The following MYO10 variants were observed in gnomAD, a reference collection of about 807,000 sequenced individuals.
The protein encoded by MYO10 is unconventional myosin-X.
MYO10 carries 133 observed loss-of-function variants against 257.3 expected under a neutral mutation model. The ratio of observed to expected loss-of-function variants is 0.52; its 90% CI spans 0.45 to 0.60. The LOEUF (loss-of-function observed/expected upper bound fraction) is 0.60, where lower values mean the gene tolerates loss of function less well. MYO10 is among the 20% of genes least tolerant of loss of function. The pLI is 0.00. For synonymous variants in MYO10, 1,104 were observed against 1,028.6 expected (o/e 1.07, Z -1.40); for missense variants, 2,399 against 2,635.7 (o/e 0.91, Z 1.97).
intron 1 of MYO10, among the ~76,000 whole-genome samples, chr5:16,928,776 T>G (rs55735121): frequency 6.8e-6 from 1 of 146,506 alleles, no homozygotes; most frequent in South Asian, 2.2e-4. Flanking sequence ...ACCTGGGAGG[T>G]GGAGGTTGCA....
intron 26 of MYO10, among the ~76,000 whole-genome samples, chr5:16,695,268 A>G (rs1329221540): frequency 2.0e-5 from 3 of 152,114 alleles, no homozygotes; most frequent in Non-Finnish European, 4.4e-5. Flanking sequence ...CGGGAGGAGG[A>G]GGTTGCAGTG....
intron 19 of MYO10, among the ~76,000 whole-genome samples, chr5:16,750,807 C>T (rs1740357662): frequency 6.6e-6 from 1 of 152,252 alleles, no homozygotes; most frequent in African/African-American, 2.4e-5. Context: ...ACCAGCCTGA[C>T]CAACATGGAG....
rs1341936135 is a variant in MYO10 at position 16,907,375 on chromosome 5, A to G, written c.21+28413T>C. On this transcript the variant is annotated intron_variant, in intron 1 of 40. Coordinates refer to ENST00000513610, the MANE Select transcript of MYO10 (RefSeq NM_012334.3). ...AAAGGAAACCAAAAATAATGGTTTC[A>G]GCACAACAGACTCAGAAGACCCAAG... Among the ~76,000 whole-genome samples, 3 of 152,182 alleles carry G rather than the reference A, an allele frequency of 2.0e-5. No individual in the cohort carries two copies. In the East Asian group the frequency reaches 5.8e-4, roughly 29 times the overall value.
chr5:16,794,938 G>A (rs773078830), intron 3 of MYO10, 105 bp from the exon 4 acceptor site: 3 of 879,044 alleles, frequency 3.4e-6, no homozygotes, highest in African/African-American at 1.7e-5. Flanking sequence ...GACGTCTTCT[G>A]TCTCCCGGGT....
intron 19 of MYO10, among the ~76,000 whole-genome samples, chr5:16,720,977 C>G (rs1199066365): frequency 1.3e-5 from 2 of 152,106 alleles, no homozygotes; most frequent in East Asian, 1.9e-4. Context: ...GCAGGGGGCA[C>G]TGCTACAGAG....
chr5:16,715,243 T>C (rs1332676417), intron 19 of MYO10, among the ~76,000 whole-genome samples: 3 of 149,906 alleles, frequency 2.0e-5, no homozygotes, highest in Non-Finnish European at 4.4e-5. Flanking sequence ...CTAGAAAGAA[T>C]CTTACTTAAA....
chr5:16,912,929 G>A (rs1745707656), intron 1 of MYO10, among the ~76,000 whole-genome samples: 1 of 149,648 alleles, frequency 6.7e-6, no homozygotes, highest in African/African-American at 2.5e-5. Flanking sequence ...CTAAGCTACA[G>A]GCATGCTTTC....
chr5:16,816,499 T>C (rs1334453725), intron 3 of MYO10, among the ~76,000 whole-genome samples: 4 of 151,806 alleles, frequency 2.6e-5, no homozygotes, highest in African/African-American at 9.7e-5. Flanking sequence ...GCCTTGAGTT[T>C]CAATTAGCAC....
In MYO10 at chr5:16,687,979, A is replaced by T. The variant is rs544314716; in HGVS notation, c.3896+1845T>A. On this transcript the variant is annotated intron_variant, in intron 28 of 40. Transcript: ENST00000513610. Reference sequence around the variant, plus strand: ...ATCAAGTATAACTTGGAATCTGAAAAGGAATTTTTTTAAAATAGTGTTCCA... The same window carrying T: ...ATCAAGTATAACTTGGAATCTGAAATGGAATTTTTTTAAAATAGTGTTCCA... Among the ~76,000 whole-genome samples, 3 of 152,346 alleles carry T rather than the reference A, an allele frequency of 2.0e-5. No homozygotes were observed. The South Asian group carries it at 6.2e-4, about 32-fold the overall frequency.
chr5:16,826,094 G>A (rs1308641157), intron 2 of MYO10, among the ~76,000 whole-genome samples: 1 of 151,952 alleles, frequency 6.6e-6, no homozygotes, highest in Non-Finnish European at 1.5e-5. Context: ...GTTACAGTGA[G>A]CCAAGACTGC....
intron 2 of MYO10, among the ~76,000 whole-genome samples, chr5:16,836,172 T>C (rs988171902): frequency 4.6e-5 from 7 of 152,168 alleles, no homozygotes; most frequent in South Asian, 2.1e-4. Context: ...AAAAAGAGTG[T>C]CTGGAGATTC....
At chr5:16,756,329 G>A (rs1740527309) in intron 18 of MYO10, among the ~76,000 whole-genome samples, 1 of 152,154 alleles carries the variant, frequency 6.6e-6, no homozygotes, top group Non-Finnish European at 1.5e-5. Flanking sequence ...GCCTCCTAAA[G>A]TGCTGGGATT....
intron 40 of MYO10, among the ~76,000 whole-genome samples, chr5:16,667,183 G>A (rs75092272): frequency 2.1e-3 from 326 of 152,266 alleles, no homozygotes; most frequent in African/African-American, 7.5e-3. Context: ...TTAAAGACTG[G>A]ATCATCTAAT....
At chr5:16,855,234 G>A (rs992270967) in intron 2 of MYO10, among the ~76,000 whole-genome samples, 2 of 152,124 alleles carry the variant, frequency 1.3e-5, no homozygotes, top group African/African-American at 4.8e-5. Flanking sequence ...CAAGAGTATG[G>A]CTTTCCTCAA....
chr5:16,809,631 C>T (rs1435512441), intron 3 of MYO10, among the ~76,000 whole-genome samples: 1 of 152,198 alleles, frequency 6.6e-6, no homozygotes, highest in South Asian at 2.1e-4. Flanking sequence ...ACATCAAACA[C>T]ATTTGCAGAT....
chr5:16,911,183 A>G (rs1745647389), intron 1 of MYO10, among the ~76,000 whole-genome samples: 1 of 152,188 alleles, frequency 6.6e-6, no homozygotes, highest in South Asian at 2.1e-4. Context: ...GAGATCTATG[A>G]GGATCCATTC....
intron 2 of MYO10, among the ~76,000 whole-genome samples, chr5:16,867,466 G>C (rs1744312257): frequency 6.7e-6 from 1 of 149,882 alleles, no homozygotes; most frequent in African/African-American, 2.5e-5. Context: ...GACACCAATA[G>C]GGGCAAAGGG....
intron 1 of MYO10, among the ~76,000 whole-genome samples, chr5:16,891,796 G>T (rs535375838): frequency 6.6e-6 from 1 of 152,168 alleles, no homozygotes; most frequent in South Asian, 2.1e-4. Flanking sequence ...TTTTCAGTTT[G>T]CACTAGTTTT....
chr5:16,768,118 C>T (rs1314791162), intron 10 of MYO10, among the ~76,000 whole-genome samples: 4 of 152,144 alleles, frequency 2.6e-5, no homozygotes, highest in Non-Finnish European at 5.9e-5. Flanking sequence ...GCCTACAGTT[C>T]TGGTCTCCTC....
Sources: gnomAD v4.1 joint callset for allele counts (sites outside exome capture counted in the v4.1 genomes callset) on GRCh38, gnomAD v4.1.1 for gene constraint, MANE v1.5 for transcripts, NCBI Gene and HGNC (gene_info 2026-07-23, HGNC 2026-07-21) for gene names.